The following ZC3H15 variants were observed in gnomAD, a reference collection of about 807,000 sequenced individuals.
The protein encoded by ZC3H15 is zinc finger CCCH-type containing 15.
ZC3H15 carries 15 observed loss-of-function variants against 51.2 expected under a neutral mutation model. That is an observed-to-expected ratio of 0.29 (90% CI 0.20 to 0.45). The LOEUF is 0.45. Ranked by LOEUF, ZC3H15 falls within the 20% of genes least tolerant of loss-of-function variation. The pLI, the probability that ZC3H15 is intolerant of heterozygous loss-of-function variation, is 1.00. For synonymous variants in ZC3H15, 144 were observed against 162.8 expected, an observed-to-expected ratio of 0.88 and a Z score of 0.88; for missense variants, 381 against 494.7, an observed-to-expected ratio of 0.77 and a Z score of 2.18.
At position 186,486,266 on chromosome 2, in the gene ZC3H15, C is replaced by T. The variant is rs978593145; in HGVS notation, c.-117C>T. The T allele has an allele frequency of 1.6e-6, 2 of 1,216,920 alleles. No homozygotes were observed. Among genetic ancestry groups the T allele is most frequent in the African/African-American group, 1.6e-5 (1 of 64,092 alleles). The allele number at this position is 1,216,920 out of a possible 1,614,324, so 75.4% of individuals were successfully genotyped here. A position where few individuals can be genotyped will look rare whatever the true frequency, so the allele number is the denominator to read the frequency against. On this transcript the variant is annotated 5_prime_UTR_variant, in exon 1 of 10. Transcript: ENST00000337859. ...GTTTGCGGGGCCAATGAGCGACTCG[C>T]TTTCCGTGCGGTGCGGCGAGTGAGG...
At chr2:186,503,193 C>T (rs766520196) in intron 5 of ZC3H15, among the ~76,000 whole-genome samples, 3 of 151,990 alleles carry the variant, frequency 2.0e-5, no homozygotes, top group Non-Finnish European at 2.9e-5. Context: ...TTTTTGGGGG[C>T]GGATACTGTT....
intron 1 of ZC3H15, chr2:186,487,376 A>G (rs1685116268): frequency 6.6e-6 from 1 of 152,168 alleles, no homozygotes; most frequent in East Asian, 1.9e-4. Flanking sequence ...TCTTCCCTCG[A>G]TTTCTGCTAT....
At chr2:186,492,292 G>C (rs949982817) in intron 1 of ZC3H15, among the ~76,000 whole-genome samples, 1 of 152,124 alleles carries the variant, frequency 6.6e-6, no homozygotes, top group African/African-American at 2.4e-5. Flanking sequence ...TTGCTGCACT[G>C]TGTTCATCTG....
intron 4 of ZC3H15, among the ~76,000 whole-genome samples, chr2:186,502,004 C>T (rs1456821631): frequency 3.9e-5 from 6 of 151,962 alleles, no homozygotes; most frequent in African/African-American, 7.2e-5. Flanking sequence ...GCCACTGCTC[C>T]GGCCTTGGTG....
chr2:186,497,659 T>A (rs1301058777), intron 2 of ZC3H15, among the ~76,000 whole-genome samples: 1 of 152,224 alleles, frequency 6.6e-6, no homozygotes, highest in Non-Finnish European at 1.5e-5. Context: ...TAAGAAGAAC[T>A]CACTTTCTTC....
At chr2:186,487,646 T>C (rs1685122773) in intron 1 of ZC3H15, among the ~76,000 whole-genome samples, 3 of 152,256 alleles carry the variant, frequency 2.0e-5, no homozygotes, top group South Asian at 4.1e-4. Context: ...GTGTTTTCTA[T>C]TACCTTATTT....
intron 2 of ZC3H15, among the ~76,000 whole-genome samples, chr2:186,499,383 C>A (rs867276142): frequency 6.6e-6 from 1 of 152,210 alleles, no homozygotes; most frequent in Admixed American, 6.5e-5. Context: ...TTCCTCTAGT[C>A]CCTGTAACTT....
Position 186,501,434 on chromosome 2 carries a change from T to G in ZC3H15, c.442+9T>G. 6.2e-7 allele frequency: 1 copy of G among 1,602,270 alleles called. No individual in the cohort carries two copies. The highest frequency in any genetic ancestry group is 8.5e-7 in the Non-Finnish European group (1 of 1,175,330). On this transcript the variant is annotated intron_variant, in intron 4 of 9. Transcript: ENST00000337859. The stretch of plus-strand genomic sequence containing the variant: ...TGAAGAACTTGAAAAAGGTAATTTT[T>G]TTAAAAACACTCTCTTAAAAATAAA...
chr2:186,488,660 T>G (rs935283573), intron 1 of ZC3H15: 2 of 152,266 alleles, frequency 1.3e-5, no homozygotes, highest in African/African-American at 4.8e-5. Flanking sequence ...GAGGCGGTGT[T>G]TGTTAAAATC....
intron 2 of ZC3H15, among the ~76,000 whole-genome samples, 153 bp downstream of exon 2, chr2:186,495,487 C>A (rs948211610): frequency 1.1e-4 from 16 of 152,168 alleles, no homozygotes; most frequent in African/African-American, 3.6e-4. Flanking sequence ...ACCAGCAGTA[C>A]CTCTTGGATA....
At position 186,502,555 on chromosome 2, in the gene ZC3H15, G is replaced by A; in HGVS notation, c.502G>A (p.Glu168Lys). The change falls in exon 5 of 10, where the codon GAG becomes AAG. Residue 168 changes from glutamate (E) to lysine (K), a missense_variant. By Grantham distance (56) the Glu-to-Lys change is moderately conservative. This residue lies in a region of ZC3H15 where 41 missense variants were observed against 86.5 expected (regional missense o/e 0.47). Transcript: ENST00000337859. ...LEEVVNKKHGEAEKKKPKTQI... is the reference protein window; with the variant it reads ...LEEVVNKKHGKAEKKKPKTQI... ...AGAAGTAGTGAACAAGAAGCACGGTGAGGCGGAAAAGAAAAAACCAAAAAC... is the reference window on the plus strand; with the variant it reads ...AGAAGTAGTGAACAAGAAGCACGGTAAGGCGGAAAAGAAAAAACCAAAAAC... 1.2e-6 allele frequency: 2 copies of A among 1,612,808 alleles called. No homozygotes were observed. Among genetic ancestry groups the A allele is most frequent in the Non-Finnish European group, 1.7e-6 (2 of 1,179,358 alleles).
intron 5 of ZC3H15, among the ~76,000 whole-genome samples, chr2:186,503,528 C>T (rs568124763): frequency 9.3e-4 from 141 of 152,216 alleles, no homozygotes; most frequent in African/African-American, 3.2e-3. Context: ...AGGCATGTGC[C>T]ACCACGGCCA....
rs941693060 is a variant in ZC3H15, at chr2:186,504,170, G to C, written c.673G>C (p.Glu225Gln). Residue 225 changes from glutamate (E) to glutamine (Q), a missense_variant, in exon 6 of 10, where the codon GAG (glutamate) becomes CAG (glutamine). Coordinates refer to ENST00000337859, the MANE Select transcript of ZC3H15 (RefSeq NM_018471.3). ...GTTGAAAAAAGATAAAAAGAAAGAA[G>C]AGAAAGAAGATGAAATTTCATTAGA... ...FVLKKDKKKE[E>Q]KEDEISLEDL... The C allele has an allele frequency of 6.2e-7, 1 of 1,605,188 alleles. No individual in the cohort carries two copies. Among genetic ancestry groups the C allele is most frequent in the African/African-American group, 1.3e-5 (1 of 74,588 alleles).
intron 9 of ZC3H15, among the ~76,000 whole-genome samples, chr2:186,507,157 C>T (rs561320740): frequency 7.2e-5 from 11 of 152,248 alleles, no homozygotes; most frequent in Non-Finnish European, 1.5e-4. Flanking sequence ...TAGACATGAA[C>T]ACCCTACAGA....
chr2:186,497,963 C>T (rs1685309880), intron 2 of ZC3H15, among the ~76,000 whole-genome samples: 1 of 152,142 alleles, frequency 6.6e-6, no homozygotes, highest in Non-Finnish European at 1.5e-5. Flanking sequence ...ATACATGTGT[C>T]TTCTCCAGAC....
intron 8 of ZC3H15, 23 bp downstream of exon 8, chr2:186,505,864 A>G (rs1161994752): frequency 1.2e-6 from 2 of 1,608,052 alleles, no homozygotes; most frequent in Non-Finnish European, 1.7e-6. Flanking sequence ...TTTGTGCCTC[A>G]TCTCCTTATG....
Position 186,508,683 on chromosome 2 carries a change from G to C in ZC3H15, c.1231G>C (p.Asp411His). Reference sequence around the variant, plus strand: ...TGATGAAAATCTTTTCACTGGAGAGGATTTGGATGAACTAGAAGAAGAATT... The same window carrying C: ...TGATGAAAATCTTTTCACTGGAGAGCATTTGGATGAACTAGAAGAAGAATT... Reference protein sequence around the residue: ...PVDENLFTGEDLDELEEELNT... With the variant: ...PVDENLFTGEHLDELEEELNT... The change falls in exon 10 of 10, where the codon GAT becomes CAT. Residue 411 changes from aspartate to histidine, a missense_variant. Around this residue, in one of 3 missense-constraint regions of ZC3H15, gnomAD observed 215 missense variants for 241.8 expected, o/e 0.89. Transcript: ENST00000337859. The C allele has an allele frequency of 1.2e-6, 2 of 1,614,018 alleles. No individual in the cohort carries two copies. Among genetic ancestry groups the C allele is most frequent in the Non-Finnish European group, 1.7e-6 (2 of 1,179,958 alleles).
intron 1 of ZC3H15, among the ~76,000 whole-genome samples, chr2:186,491,586 A>G (rs1371467458): frequency 2.0e-5 from 3 of 152,118 alleles, no homozygotes; most frequent in Non-Finnish European, 4.4e-5. Flanking sequence ...CACTTTACAA[A>G]TAAGAAACTG....
chr2:186,493,754 G>A (rs1198538515), intron 1 of ZC3H15, among the ~76,000 whole-genome samples: 2 of 151,618 alleles, frequency 1.3e-5, no homozygotes, highest in African/African-American at 4.8e-5. Flanking sequence ...GGTGGCATCT[G>A]TCAATCCTTG....
Sources: gnomAD v4.1 joint callset for allele counts (sites outside exome capture counted in the v4.1 genomes callset) on GRCh38, gnomAD v4.1.1 for gene constraint, gnomAD v4.1.1 regional missense constraint, MANE v1.5 for transcripts, NCBI Gene and HGNC (gene_info 2026-07-23, HGNC 2026-07-21) for gene names.